The following ARL13B variants were observed in gnomAD, a reference collection of about 807,000 sequenced individuals.
ARL13B encodes the protein ADP-ribosylation factor-like protein 13B.
In ARL13B, 36 loss-of-function variants were observed where a neutral mutation model predicts 56.1. The ratio of observed to expected loss-of-function variants is 0.64; its 90% CI spans 0.49 to 0.85. The LOEUF (loss-of-function observed/expected upper bound fraction) is 0.85, where lower values mean the gene tolerates loss of function less well. Ranked by LOEUF, ARL13B falls within the 40% of genes least tolerant of loss-of-function variation. ARL13B has a pLI of 0.00. For synonymous variants in ARL13B, 178 were observed against 171.1 expected, an observed-to-expected ratio of 1.04 and a Z score of -0.32; for missense variants, 519 against 507.1, an observed-to-expected ratio of 1.02 and a Z score of -0.23.
chr3:94,028,731 C>T (rs1327801231), intron 3 of ARL13B: 1 of 152,132 alleles, frequency 6.6e-6, no homozygotes, highest in Non-Finnish European at 1.5e-5. Context: ...GTATTTGGCA[C>T]TGGATCTGCA....
At chr3:94,009,071 G>A (rs1263186467) in intron 3 of ARL13B, among the ~76,000 whole-genome samples, 1 of 107,352 alleles carries the variant, frequency 9.3e-6, no homozygotes, top group Non-Finnish European at 2.0e-5. Context: ...TCAAGGAGCA[G>A]TAAAGATAGA....
chr3:94,009,409 A>C (rs2076186971), intron 3 of ARL13B, among the ~76,000 whole-genome samples: 1 of 151,978 alleles, frequency 6.6e-6, no homozygotes, highest in Non-Finnish European at 1.5e-5. Flanking sequence ...TTAGTTTGCA[A>C]GTTTCTTTTA....
At chr3:94,018,017 G>A (rs1209055234) in intron 3 of ARL13B, among the ~76,000 whole-genome samples, 2 of 152,110 alleles carry the variant, frequency 1.3e-5, no homozygotes, top group Non-Finnish European at 2.9e-5. Flanking sequence ...AAGATAAATA[G>A]GATATTGACA....
rs1441605870 is a variant in ARL13B at position 94,021,454 on chromosome 3, C to T, written c.381-13877C>T. Reference sequence around the variant, plus strand: ...AAGTGATCTGCCCGCCTCAGCCTCCCAAAGTGCTGGGATTACAGGTACAAA... The same window carrying T: ...AAGTGATCTGCCCGCCTCAGCCTCCTAAAGTGCTGGGATTACAGGTACAAA... On this transcript the variant is annotated intron_variant, in intron 3 of 9. Coordinates refer to ENST00000394222, the MANE Select transcript of ARL13B (RefSeq NM_001174150.2). 3.3e-5 allele frequency among the ~76,000 whole-genome samples: 5 copies of T among 152,042 alleles called. No individual in the cohort carries two copies. The East Asian group carries it at 5.8e-4, about 18-fold the overall frequency.
intron 2 of ARL13B, 112 bp from the exon 3 acceptor site, chr3:94,003,547 T>G (rs1407666847): frequency 3.1e-5 from 37 of 1,194,400 alleles, no homozygotes; most frequent in Non-Finnish European, 4.4e-5. Flanking sequence ...ATAATGTTTA[T>G]TGTGTCAGTG....
chr3:94,027,484 T>G (rs2076581991), intron 3 of ARL13B, among the ~76,000 whole-genome samples: 1 of 152,070 alleles, frequency 6.6e-6, no homozygotes, highest in Non-Finnish European at 1.5e-5. Flanking sequence ...TTTATCTGAT[T>G]CAAGTAAGCT....
Position 94,053,494 on chromosome 3 carries a change from C to A in ARL13B, c.*231C>A, listed in dbSNP as rs1415079643. On this transcript the variant is annotated 3_prime_UTR_variant, in exon 10 of 10. Transcript: ENST00000394222. ...CAGTACATGAAATCAGCATTTGGAC[C>A]AAATTAGCAAGATTTACTGTTGACT... The A allele has an allele frequency of 4.7e-6, 3 of 640,740 alleles. No individual in the cohort carries two copies. The African/African-American group carries it at 5.4e-5, about 12-fold the overall frequency. 39.7% of individuals were successfully genotyped at this position (640,740 alleles called of 1,614,324 possible). A position where few individuals can be genotyped will look rare whatever the true frequency, so the allele number is the denominator to read the frequency against.
At chr3:94,003,609 T>A in intron 2 of ARL13B, 50 bp from the exon 3 acceptor site, 4 of 1,589,246 alleles carry the variant, frequency 2.5e-6, no homozygotes, top group Non-Finnish European at 2.6e-6. Context: ...AAATTAACGT[T>A]GTCAATTAAA....
intron 1 of ARL13B, among the ~76,000 whole-genome samples, chr3:93,994,069 A>C (rs527896664): frequency 1.3e-5 from 2 of 152,362 alleles, no homozygotes; most frequent in South Asian, 2.1e-4. Flanking sequence ...TCTAGATAAC[A>C]GAGGAAATTA....
chr3:94,027,611 C>CATT (rs969501644), intron 3 of ARL13B, among the ~76,000 whole-genome samples: 2 of 152,062 alleles, frequency 1.3e-5, no homozygotes, highest in African/African-American at 4.8e-5. Flanking sequence ...ATATAAAAGT[C>CATT]ATTATTATTT....
chr3:94,023,834 T>A (rs900329395), intron 3 of ARL13B, among the ~76,000 whole-genome samples: 114 of 152,246 alleles, frequency 7.5e-4, no homozygotes, highest in African/African-American at 2.7e-3. Flanking sequence ...AAAGAAAAAA[T>A]TTAGCAGGAG....
At chr3:94,005,687 G>A (rs759822390) in intron 3 of ARL13B, among the ~76,000 whole-genome samples, 1 of 152,028 alleles carries the variant, frequency 6.6e-6, no homozygotes, top group Non-Finnish European at 1.5e-5. Context: ...ATATAGAATC[G>A]TTTGCCATTT....
At chr3:94,003,344 T>C (rs1182692500) in intron 2 of ARL13B, among the ~76,000 whole-genome samples, 1 of 152,186 alleles carries the variant, frequency 6.6e-6, no homozygotes, top group African/African-American at 2.4e-5. Flanking sequence ...GACATTTTTA[T>C]TGTTTGTAAC....
chr3:94,036,204 C>T (rs2076764571), intron 4 of ARL13B, among the ~76,000 whole-genome samples: 2 of 152,144 alleles, frequency 1.3e-5, no homozygotes, highest in Admixed American at 6.5e-5. Flanking sequence ...TGGATGTTTA[C>T]TGCTGTATAT....
intron 3 of ARL13B, among the ~76,000 whole-genome samples, chr3:94,031,173 C>T (rs1447033097): frequency 1.3e-5 from 2 of 152,026 alleles, no homozygotes; most frequent in Admixed American, 1.3e-4. Flanking sequence ...GCCTGGGCAA[C>T]AGAGTGAGAC....
At position 94,039,874 on chromosome 3, in the gene ARL13B, C is replaced by G; in HGVS notation, c.690-6C>G. 1 of 1,612,962 alleles carries G rather than the reference C, an allele frequency of 6.2e-7. No homozygotes were observed. Among genetic ancestry groups the G allele is most frequent in the Non-Finnish European group, 8.5e-7 (1 of 1,179,352 alleles). On this transcript the variant is annotated splice_region_variant and splice_polypyrimidine_tract_variant and intron_variant, in intron 5 of 9. Transcript: ENST00000394222. Reference sequence around the variant, plus strand: ...GAAATTTCAATTATTTTTCCTCAAACGATAGAAAACAAAATGAACAGGAGC... The same window carrying G: ...GAAATTTCAATTATTTTTCCTCAAAGGATAGAAAACAAAATGAACAGGAGC...
intron 3 of ARL13B, among the ~76,000 whole-genome samples, chr3:94,004,977 T>G (rs2076109937): frequency 6.6e-6 from 1 of 152,118 alleles, no homozygotes; most frequent in Non-Finnish European, 1.5e-5. Flanking sequence ...TAGACTAAAG[T>G]AAAAAATATT....
intron 3 of ARL13B, among the ~76,000 whole-genome samples, chr3:94,013,455 C>T (rs2076260998): frequency 6.6e-6 from 1 of 152,138 alleles, no homozygotes; most frequent in Admixed American, 6.5e-5. Context: ...AATACAGTTG[C>T]CTTTAATTTG....
intron 2 of ARL13B, among the ~76,000 whole-genome samples, chr3:93,999,212 A>G (rs190985399): frequency 1.3e-3 from 193 of 151,924 alleles, no homozygotes; most frequent in African/African-American, 4.4e-3. Flanking sequence ...AAGTGTTGGG[A>G]TAGTAGGCAT....
Sources: gnomAD v4.1 joint callset for allele counts (sites outside exome capture counted in the v4.1 genomes callset) on GRCh38, gnomAD v4.1.1 for gene constraint, MANE v1.5 for transcripts, NCBI Gene and HGNC (gene_info 2026-07-23, HGNC 2026-07-21) for gene names.